Variants in C1QTNF7 observed in about 807,000 individuals in gnomAD.
C1QTNF7 encodes the protein C1q and TNF related 7.
Under a neutral mutation model 19.6 loss-of-function variants are expected in C1QTNF7, and 15 were observed. The observed-to-expected ratio is 0.76, with a 90% CI of 0.51 to 1.18. The LOEUF (loss-of-function observed/expected upper bound fraction) is 1.18, where lower values mean the gene tolerates loss of function less well. Ranked by LOEUF, C1QTNF7 falls within the 50% of genes most tolerant of loss-of-function variation. The probability of loss-of-function intolerance (pLI) is 0.00; values close to 1 mark genes in which losing one functional copy is unlikely to be tolerated. For synonymous variants in C1QTNF7, 142 were observed against 137.5 expected (o/e 1.03, Z -0.23); for missense variants, 324 against 359.7 (o/e 0.90, Z 0.80).
At chr4:15,354,075 C>T (rs969116269) in intron 1 of C1QTNF7, among the ~76,000 whole-genome samples, 3 of 152,062 alleles carry the variant, frequency 2.0e-5, no homozygotes, top group East Asian at 3.9e-4. Flanking sequence ...GCTGGCTATG[C>T]GCACTTTGTC....
chr4:15,416,294 T>C (rs1394811558), intron 1 of C1QTNF7, among the ~76,000 whole-genome samples: 3 of 152,254 alleles, frequency 2.0e-5, no homozygotes, highest in African/African-American at 7.2e-5. Flanking sequence ...CAGCACTTTC[T>C]ACATGCCAGG....
chr4:15,378,065 A>T (rs1718007715), intron 1 of C1QTNF7, among the ~76,000 whole-genome samples: 1 of 152,236 alleles, frequency 6.6e-6, no homozygotes. Context: ...AACTTCAGAA[A>T]TTGAAAAGTG....
chr4:15,441,780 G>A (rs545165036), intron 2 of C1QTNF7, among the ~76,000 whole-genome samples: 5 of 152,154 alleles, frequency 3.3e-5, no homozygotes, highest in Non-Finnish European at 7.4e-5. Flanking sequence ...CCAGCACTTT[G>A]GGAGGCTGAG....
rs1331936449 is a variant in C1QTNF7 at position 15,372,525 on chromosome 4, G to T, written c.13+32318G>T. Among the ~76,000 whole-genome samples, 5 of 152,248 alleles carry T rather than the reference G, an allele frequency of 3.3e-5. No individual in the cohort carries two copies. The East Asian group carries it at 7.7e-4, about 24-fold the overall frequency. On this transcript the variant is annotated intron_variant, in intron 1 of 2. Transcript: ENST00000295297. ...ATGGTATTTTGTTATGGCAGCCCAA[G>T]CAAGACTCTACTAGAAAATTCTTCT...
intron 1 of C1QTNF7, among the ~76,000 whole-genome samples, chr4:15,397,122 C>T (rs116131573): frequency 0.01 from 1,591 of 152,268 alleles, 21 homozygotes; most frequent in African/African-American, 0.037. Context: ...TGTTCACTAC[C>T]ATGAGAACGA....
At chr4:15,428,377 A>T (rs1712149481) in intron 1 of C1QTNF7, among the ~76,000 whole-genome samples, 1 of 152,078 alleles carries the variant, frequency 6.6e-6, no homozygotes, top group Non-Finnish European at 1.5e-5. Context: ...TAGGATATAA[A>T]ATGTTTTGCA....
At chr4:15,417,333 T>C (rs562143034) in intron 1 of C1QTNF7, among the ~76,000 whole-genome samples, 1 of 152,338 alleles carries the variant, frequency 6.6e-6, no homozygotes, top group African/African-American at 2.4e-5. Flanking sequence ...CTCACTCCCC[T>C]GAGCCCTTGA....
At position 15,442,448 on chromosome 4, in the gene C1QTNF7, C is replaced by T. The variant is rs148678610; in HGVS notation, c.519C>T (p.Asn173=). 6.2e-5 allele frequency: 100 copies of T among 1,614,178 alleles called. No individual in the cohort carries two copies. Among genetic ancestry groups the T allele is most frequent in the African/African-American group, 4.9e-4 (37 of 75,020 alleles). Residue 173 remains asparagine, a synonymous_variant, in exon 3 of 3, where the codon AAC becomes AAT. Coordinates refer to ENST00000444304, the MANE Select transcript of C1QTNF7 (RefSeq NM_031911.5). ...LPIIFNKVLF[N]EGEHYNPATG... ...TTATATTTAACAAGGTCCTCTTCAACGAGGGAGAGCACTACAACCCTGCCA... is the reference window on the plus strand; with the variant it reads ...TTATATTTAACAAGGTCCTCTTCAATGAGGGAGAGCACTACAACCCTGCCA...
At chr4:15,414,924 G>T (rs565373249) in intron 1 of C1QTNF7, among the ~76,000 whole-genome samples, 3 of 152,258 alleles carry the variant, frequency 2.0e-5, no homozygotes, top group Non-Finnish European at 4.4e-5. Flanking sequence ...CTCCAAATTT[G>T]TTCTTAGTCA....
chr4:15,340,097 A>G (rs1716486974), exon 1 of C1QTNF7: 2 of 1,355,822 alleles, frequency 1.5e-6, no homozygotes, highest in African/African-American at 2.9e-5. Context: ...CGAATAATAA[A>G]CACATATTTC....
intron 1 of C1QTNF7, among the ~76,000 whole-genome samples, chr4:15,377,014 T>G (rs1717961770): frequency 6.6e-6 from 1 of 152,194 alleles, no homozygotes; most frequent in Non-Finnish European, 1.5e-5. Context: ...TAAATAACAA[T>G]GCTAATGGTC....
chr4:15,362,060 C>T (rs1006556111), intron 1 of C1QTNF7, among the ~76,000 whole-genome samples: 5 of 152,120 alleles, frequency 3.3e-5, no homozygotes, highest in Non-Finnish European at 7.4e-5. Context: ...TGGATTTGGG[C>T]AAGTCAATTA....
intron 1 of C1QTNF7, among the ~76,000 whole-genome samples, chr4:15,414,114 T>A (rs1719503766): frequency 6.6e-6 from 1 of 152,232 alleles, no homozygotes; most frequent in Non-Finnish European, 1.5e-5. Context: ...GAGTTCTGTA[T>A]GCTTCTTCAG....
chr4:15,381,550 T>G lies in C1QTNF7; in HGVS notation c.13+41343T>G, dbSNP rs186726927. On this transcript the variant is annotated intron_variant, in intron 1 of 2. Coordinates refer to the C1QTNF7 transcript ENST00000295297. ...GAGTTTGGGTGCACATATCAAAGTC[T>G]GAATTCCAGCTGTGCACTTAATTAG... 2.8e-3 allele frequency among the ~76,000 whole-genome samples: 431 copies of G among 152,296 alleles called. 3 individuals are homozygous for G. The highest frequency in any genetic ancestry group is 0.01 in the African/African-American group (418 of 41,568).
intron 1 of C1QTNF7, among the ~76,000 whole-genome samples, chr4:15,419,400 G>T (rs991737691): frequency 7.9e-5 from 12 of 152,184 alleles, no homozygotes; most frequent in Non-Finnish European, 1.6e-4. Flanking sequence ...GATGGATATC[G>T]TTTGGCCATT....
intron 1 of C1QTNF7, among the ~76,000 whole-genome samples, chr4:15,352,142 C>T (rs1716964926): frequency 1.3e-5 from 2 of 152,028 alleles, no homozygotes; most frequent in Admixed American, 6.6e-5. Flanking sequence ...CCAAATATGC[C>T]CAAGCTGCAG....
chr4:15,360,853 A>G (rs1487951783), intron 1 of C1QTNF7, among the ~76,000 whole-genome samples: 1 of 152,192 alleles, frequency 6.6e-6, no homozygotes, highest in Admixed American at 6.5e-5. Context: ...TCTAAAAGTC[A>G]TTCACACACT....
At chr4:15,369,112 G>A (rs1223753991) in intron 1 of C1QTNF7, among the ~76,000 whole-genome samples, 4 of 152,178 alleles carry the variant, frequency 2.6e-5, no homozygotes, top group African/African-American at 9.7e-5. Context: ...CATTTCCCTC[G>A]GCTTCTTCAG....
intron 1 of C1QTNF7, among the ~76,000 whole-genome samples, chr4:15,351,641 C>A (rs1716944386): frequency 6.6e-6 from 1 of 152,002 alleles, no homozygotes; most frequent in Non-Finnish European, 1.5e-5. Context: ...GGGGGTGGAA[C>A]CCAGGTGTGA....
Sources: allele counts gnomAD v4.1 joint callset (sites outside exome capture counted in the v4.1 genomes callset), GRCh38; gene constraint gnomAD v4.1.1; transcripts MANE v1.5; gene names NCBI Gene and HGNC (gene_info 2026-07-23, HGNC 2026-07-21).